LOC128462377: variants seen among roughly 807,000 people sequenced by gnomAD.
the LOC128462377 span, among the ~76,000 whole-genome samples, chr16:89,323,544 G>GAGGGCAGGGGGGCTGAGCCA: frequency 4.1e-5 from 1 of 24,420 alleles, no homozygotes; most frequent in African/African-American, 1.4e-4. Flanking sequence ...GGGCTGAGCC[G>GAGGGCAGGGGGGCTGAGCCA]AGGGCAGGGG....
At chr16:89,384,874 GTTTTC>G in the LOC128462377 span, among the ~76,000 whole-genome samples, 2 of 72,752 alleles carry the variant, frequency 2.7e-5, no homozygotes, top group African/African-American at 1.1e-4. Context: ...ATGAGAAATA[GTTTTC>G]TTTTTTTTTT....
At chr16:89,382,023 C>G in the LOC128462377 span, among the ~76,000 whole-genome samples, 3 of 152,192 alleles carry the variant, frequency 2.0e-5, no homozygotes, top group Non-Finnish European at 4.4e-5. Flanking sequence ...TGCAAGCAGC[C>G]AGCACGACTG....
At chr16:89,383,708 C>A in the LOC128462377 span, among the ~76,000 whole-genome samples, 5 of 152,138 alleles carry the variant, frequency 3.3e-5, no homozygotes, top group African/African-American at 1.2e-4. Flanking sequence ...GCCCTCGGAC[C>A]AGCAACGCAG....
chr16:89,330,490 G>A, the LOC128462377 span, among the ~76,000 whole-genome samples: 7 of 152,096 alleles, frequency 4.6e-5, no homozygotes, highest in Admixed American at 2.0e-4. Flanking sequence ...GGACATGTCC[G>A]TGGGGCTACG....
the LOC128462377 span, among the ~76,000 whole-genome samples, chr16:89,377,731 G>A: frequency 6.6e-6 from 1 of 152,092 alleles, no homozygotes; most frequent in Non-Finnish European, 1.5e-5. Context: ...CTGTGACATG[G>A]GCACTGAAAC....
the LOC128462377 span, among the ~76,000 whole-genome samples, chr16:89,369,783 A>G: frequency 6.6e-6 from 1 of 152,224 alleles, no homozygotes; most frequent in East Asian, 1.9e-4. Context: ...GGTTTCATCA[A>G]TGCCGATATA....
the LOC128462377 span, among the ~76,000 whole-genome samples, chr16:89,327,430 G>GTC: frequency 6.6e-6 from 1 of 152,150 alleles, no homozygotes; most frequent in Non-Finnish European, 1.5e-5. Context: ...GAATAAAACT[G>GTC]TCTCTCTCTG....
At chr16:89,398,842 T>C in the LOC128462377 span, among the ~76,000 whole-genome samples, 1 of 151,928 alleles carries the variant, frequency 6.6e-6, no homozygotes, top group African/African-American at 2.4e-5. Flanking sequence ...TAAGCAAAGG[T>C]GCTTTCTGGC....
chr16:89,355,904 C>G, the LOC128462377 span, among the ~76,000 whole-genome samples: 1 of 152,156 alleles, frequency 6.6e-6, no homozygotes, highest in Non-Finnish European at 1.5e-5. Flanking sequence ...CTCCCCCCAG[C>G]ACAGCTCGGG....
the LOC128462377 span, among the ~76,000 whole-genome samples, chr16:89,398,306 T>C: frequency 1.4e-5 from 2 of 142,980 alleles, no homozygotes; most frequent in African/African-American, 2.7e-5. Context: ...GAGGCTGACA[T>C]GAGGGACACT....
chr16:89,323,443 CG>C, the LOC128462377 span: 1 of 512,574 alleles, frequency 2.0e-6, no homozygotes, highest in Non-Finnish European at 2.8e-6. Context: ...GGGGCTGAGC[CG>C]AGGGCAGGGG....
At chr16:89,349,036 G>C in the LOC128462377 span, among the ~76,000 whole-genome samples, 3 of 143,554 alleles carry the variant, frequency 2.1e-5, no homozygotes, top group Admixed American at 1.5e-4. Context: ...GCTGAGGCAG[G>C]ATAATCGCTT....
At chr16:89,363,650 T>G in the LOC128462377 span, among the ~76,000 whole-genome samples, 1 of 152,208 alleles carries the variant, frequency 6.6e-6, no homozygotes, top group Admixed American at 6.5e-5. Context: ...ACTCACTTTA[T>G]GTCCACCAAG....
chr16:89,360,821 A>G, the LOC128462377 span: 1 of 152,276 alleles, frequency 6.6e-6, no homozygotes, highest in African/African-American at 2.4e-5. Flanking sequence ...AGATCCAAGT[A>G]ATCAGATACC....
chr16:89,358,999 A>G, the LOC128462377 span, among the ~76,000 whole-genome samples: 1 of 152,126 alleles, frequency 6.6e-6, no homozygotes, highest in South Asian at 2.1e-4. Flanking sequence ...CTAATTTTCT[A>G]TTTTTTGTAA....
chr16:89,347,800 G>C, the LOC128462377 span, among the ~76,000 whole-genome samples: 5 of 152,190 alleles, frequency 3.3e-5, no homozygotes, highest in East Asian at 3.9e-4. Context: ...CCAACATTAG[G>C]AAAAACATAT....
At chr16:89,394,371 G>A in the LOC128462377 span, among the ~76,000 whole-genome samples, 8 of 152,220 alleles carry the variant, frequency 5.3e-5, no homozygotes, top group South Asian at 4.1e-4. Context: ...GCTCCCGCCC[G>A]TAATCCCAGC....
chr16:89,372,485 G>A, the LOC128462377 span, among the ~76,000 whole-genome samples: 7 of 152,190 alleles, frequency 4.6e-5, no homozygotes, highest in Admixed American at 6.5e-5. Context: ...TGAGAAGAGC[G>A]AAGGCCAAGG....
At chr16:89,397,881 T>C in the LOC128462377 span, among the ~76,000 whole-genome samples, 2 of 152,354 alleles carry the variant, frequency 1.3e-5, no homozygotes, top group African/African-American at 4.8e-5. Flanking sequence ...GTCCTGGGCA[T>C]GGGACTCTCC....
Sources: allele counts gnomAD v4.1 joint callset (sites outside exome capture counted in the v4.1 genomes callset), GRCh38; gene constraint gnomAD v4.1.1; transcripts MANE v1.5.